Variants in TTLL1 observed in about 807,000 individuals in gnomAD.
TTLL1 encodes the protein polyglutamylase complex subunit TTLL1.
A neutral mutation model predicts 47.8 loss-of-function variants in TTLL1; 33 were observed. That is an observed-to-expected ratio of 0.69 (90% confidence interval 0.52 to 0.92). The LOEUF is 0.92. Among genes scored for constraint, TTLL1 ranks in the 40% least tolerant of loss-of-function variants. TTLL1 has a pLI of 0.00. For synonymous variants in TTLL1, 225 were observed against 214.1 expected, an observed-to-expected ratio of 1.05 and a Z score of -0.45; for missense variants, 488 against 547.5, an observed-to-expected ratio of 0.89 and a Z score of 1.08.
intron 4 of TTLL1, 114 bp from the exon 5 acceptor site, chr22:43,068,704 A>C: frequency 1.1e-6 from 1 of 928,924 alleles, no homozygotes; most frequent in Non-Finnish European, 1.5e-6. Context: ...CCCCACCGCA[A>C]CCCAGCAGCT....
At chr22:43,063,021 G>T (rs189462612) in intron 7 of TTLL1, among the ~76,000 whole-genome samples, 8 of 152,144 alleles carry the variant, frequency 5.3e-5, no homozygotes, top group African/African-American at 1.9e-4. Flanking sequence ...AAAACCAAAC[G>T]GTTGCATGTG....
Position 43,089,320 on chromosome 22 carries a change from G to A in TTLL1, c.-133C>T, listed in dbSNP as rs967560572. 6.6e-5 allele frequency: 10 copies of A among 152,274 alleles called. No homozygotes were observed. Among genetic ancestry groups the A allele is most frequent in the African/African-American group, 2.4e-4 (10 of 41,450 alleles). 9.4% of individuals were successfully genotyped at this position (152,274 alleles called of 1,614,324 possible). A position where few individuals can be genotyped will look rare whatever the true frequency, so the allele number is the denominator to read the frequency against. On this transcript the variant is annotated 5_prime_UTR_variant, in exon 1 of 11. Coordinates refer to ENST00000266254, the MANE Select transcript of TTLL1 (RefSeq NM_012263.5). ...GAGGGACTCGGAGGAGCGCCCTGCA[G>A]GGATGCCTCGAGCCGCGCCCTCGCC...
chr22:43,048,293 G>A lies in TTLL1; in HGVS notation c.979-1720C>T, dbSNP rs541555949. On this transcript the variant is annotated intron_variant, in intron 9 of 10. Coordinates refer to ENST00000266254, the MANE Select transcript of TTLL1 (RefSeq NM_012263.5). ...GATCACGCCACTGCGCTCCAGCCTG[G>A]GTCACAGAGTGAGACTCCGTCTCAA... is the stretch of plus-strand genomic sequence containing the variant. 2.7e-3 allele frequency among the ~76,000 whole-genome samples: 406 copies of A among 151,722 alleles called. 6 individuals carry two copies. Among genetic ancestry groups the A allele is most frequent in the Admixed American group, 3.6e-3 (55 of 15,186 alleles).
At chr22:43,067,187 AC>A (rs930788284) in intron 5 of TTLL1, among the ~76,000 whole-genome samples, 11 of 152,168 alleles carry the variant, frequency 7.2e-5, no homozygotes, top group Non-Finnish European at 1.3e-4. Flanking sequence ...TGGGCTTGCC[AC>A]GAGGCCACTG....
chr22:43,070,193 G>C, intron 3 of TTLL1: 3 of 1,348,238 alleles, frequency 2.2e-6, no homozygotes, highest in Non-Finnish European at 2.0e-6. Context: ...CTGAAGTCAG[G>C]AAACTCATTT....
intron 6 of TTLL1, 106 bp downstream of exon 6, chr22:43,064,084 G>A: frequency 6.5e-7 from 1 of 1,533,118 alleles, no homozygotes; most frequent in South Asian, 1.2e-5. Context: ...CCCGTGCCAG[G>A]CACCGCACAT....
intron 7 of TTLL1, among the ~76,000 whole-genome samples, chr22:43,063,206 G>A (rs1036474632): frequency 2.6e-5 from 4 of 152,042 alleles, no homozygotes; most frequent in Non-Finnish European, 4.4e-5. Context: ...TGGAGAAACC[G>A]AGGCTCTGAG....
intron 7 of TTLL1, among the ~76,000 whole-genome samples, chr22:43,062,219 G>A (rs1029745933): frequency 3.3e-5 from 5 of 152,148 alleles, no homozygotes; most frequent in East Asian, 1.9e-4. Flanking sequence ...TTGGCCGGGC[G>A]CAGTAGCTCA....
At chr22:43,058,449 A>G (rs5759124) in intron 8 of TTLL1, among the ~76,000 whole-genome samples, 20,370 of 152,230 alleles carry the variant, frequency 0.13, 1,957 homozygotes, top group East Asian at 0.41. Flanking sequence ...TAAAGTCAGG[A>G]CATCACAGAC....
intron 2 of TTLL1, among the ~76,000 whole-genome samples, chr22:43,079,092 T>C (rs77839503): frequency 0.041 from 760 of 18,612 alleles, no homozygotes; most frequent in Middle Eastern, 0.1. Flanking sequence ...AGAGCGTGAG[T>C]CCATCCCACA....
chr22:43,053,084 A>C (rs1271912903), intron 8 of TTLL1, among the ~76,000 whole-genome samples: 6 of 151,790 alleles, frequency 4.0e-5, no homozygotes, highest in Admixed American at 1.3e-4. Flanking sequence ...ACAAACAAAA[A>C]ACACAAAACC....
rs1212183163 is a variant in TTLL1, at chr22:43,068,493, A to G, written c.420T>C (p.Cys140=). The G allele has an allele frequency of 1.3e-6, 2 of 1,583,500 alleles. No homozygotes were observed. The highest frequency in any genetic ancestry group is 1.7e-5 in the Admixed American group (1 of 59,232). ...SPSSTWIMKP[C]GKAQGKGIFL... ...AGATGCCCTTTCCCTGGGCCTTGCCACAAGGCTTCATGATCCAGGTGCTGG... is the reference window on the plus strand; with the variant it reads ...AGATGCCCTTTCCCTGGGCCTTGCCGCAAGGCTTCATGATCCAGGTGCTGG... Residue 140 remains cysteine, a synonymous_variant, in exon 5 of 11, where the codon TGT becomes TGC. Transcript: ENST00000266254.
At chr22:43,074,070 G>A (rs1293548351) in intron 3 of TTLL1, among the ~76,000 whole-genome samples, 4 of 150,556 alleles carry the variant, frequency 2.7e-5, no homozygotes, top group Non-Finnish European at 3.0e-5. Context: ...GTGATCCACC[G>A]GCCTTGGCCT....
chr22:43,069,583 A>C (rs1927975620), intron 4 of TTLL1, 53 bp downstream of exon 4: 1 of 1,611,296 alleles, frequency 6.2e-7, no homozygotes, highest in Non-Finnish European at 8.5e-7. Flanking sequence ...CGCGCCCCAA[A>C]GAAAAAATTC....
intron 4 of TTLL1, among the ~76,000 whole-genome samples, chr22:43,069,053 T>C (rs1046309846): frequency 3.3e-5 from 5 of 151,918 alleles, no homozygotes; most frequent in Admixed American, 3.3e-4. Flanking sequence ...TTCCCCAGGC[T>C]GAGCGCTGAG....
At chr22:43,068,178 G>A (rs1368478337) in intron 5 of TTLL1, among the ~76,000 whole-genome samples, 4 of 151,358 alleles carry the variant, frequency 2.6e-5, no homozygotes, top group Non-Finnish European at 5.9e-5. Context: ...TTAGCTGGGC[G>A]TGGTGACGCA....
rs1294141238 is a variant in TTLL1 at position 43,069,790 on chromosome 22, G to C, written c.168C>G (p.Leu56=). The part of the protein sequence containing the change: ...NVFSVEAGYR[L]SDDQIVNHFP... ...AATGGTTGACTATTTGGTCATCTGA[G>C]AGCCGATATCCAGCTTCAACGCTGA... Residue 56 remains leucine, a synonymous_variant, in exon 4 of 11, where the codon CTC becomes CTG. Coordinates refer to ENST00000266254, the MANE Select transcript of TTLL1 (RefSeq NM_012263.5). 6.2e-7 allele frequency: 1 copy of C among 1,614,220 alleles called. No individual in the cohort carries two copies. The highest frequency in any genetic ancestry group is 2.2e-5 in the East Asian group (1 of 44,890).
chr22:43,087,236 C>T (rs8141749), intron 1 of TTLL1, among the ~76,000 whole-genome samples: 53,761 of 152,108 alleles, frequency 0.35, 11,470 homozygotes, highest in Non-Finnish European at 0.47. Flanking sequence ...CAAAGCATGG[C>T]CCACATGTGA....
At chr22:43,055,812 T>C in intron 8 of TTLL1, among the ~76,000 whole-genome samples, 1 of 152,176 alleles carries the variant, frequency 6.6e-6, no homozygotes, top group South Asian at 2.1e-4. Context: ...GCCTTTCACT[T>C]CAAAGAGGCT....
Sources: allele counts gnomAD v4.1 joint callset (sites outside exome capture counted in the v4.1 genomes callset), GRCh38; gene constraint gnomAD v4.1.1; transcripts MANE v1.5; gene names NCBI Gene and HGNC (gene_info 2026-07-23, HGNC 2026-07-21).